Variants in NEGR1 observed in about 807,000 individuals in gnomAD.
NEGR1 encodes the protein IgLON family member 4.
In NEGR1, 10 loss-of-function variants were observed where a neutral mutation model predicts 40.9. The observed-to-expected ratio is 0.24, with a 90% confidence interval of 0.15 to 0.42. The LOEUF (loss-of-function observed/expected upper bound fraction) is 0.42. Ranked by LOEUF, NEGR1 falls within the 10% of genes least tolerant of loss-of-function variation. The pLI, the probability that NEGR1 is intolerant of heterozygous loss-of-function variation, is 1.00. For missense variants in NEGR1, 352 were observed against 438.9 expected (o/e 0.80, Z 1.77); for synonymous variants, 185 against 166.8 (o/e 1.11, Z -0.84).
chr1:72,199,904 G>GC (rs1420762022), intron 1 of NEGR1, among the ~76,000 whole-genome samples: 1 of 151,768 alleles, frequency 6.6e-6, no homozygotes, highest in Non-Finnish European at 1.5e-5. Context: ...CATACATGGA[G>GC]CCAACAAATA....
At chr1:71,759,321 A>G (rs1282194807) in intron 3 of NEGR1, among the ~76,000 whole-genome samples, 1 of 83,236 alleles carries the variant, frequency 1.2e-5, no homozygotes, top group Non-Finnish European at 2.4e-5. Context: ...TTTTTGAGAC[A>G]TAGTCTCACT....
intron 2 of NEGR1, among the ~76,000 whole-genome samples, chr1:71,932,879 T>A (rs1239717709): frequency 6.6e-6 from 1 of 152,092 alleles, no homozygotes; most frequent in African/African-American, 2.4e-5. Context: ...GTAGCTTAAG[T>A]GGGGTTGACT....
intron 4 of NEGR1, among the ~76,000 whole-genome samples, chr1:71,664,982 T>C (rs1308136351): frequency 1.3e-5 from 2 of 152,148 alleles, no homozygotes; most frequent in African/African-American, 4.8e-5. Context: ...TGGAAATGAC[T>C]TAAGTCCAAC....
intron 6 of NEGR1, among the ~76,000 whole-genome samples, chr1:71,498,923 CT>C (rs1178553178): frequency 6.6e-6 from 1 of 152,150 alleles, no homozygotes; most frequent in African/African-American, 2.4e-5. Context: ...ATTTTCATCT[CT>C]TGGATGCAGC....
At chr1:71,473,306 A>G (rs1306198573) in intron 6 of NEGR1, among the ~76,000 whole-genome samples, 1 of 152,156 alleles carries the variant, frequency 6.6e-6, no homozygotes, top group Non-Finnish European at 1.5e-5. Context: ...GAAATAGGGC[A>G]TGGATTACCT....
In NEGR1 at chr1:72,235,014, C is replaced by T. The variant is rs78027954; in HGVS notation, c.176+47305G>A. On this transcript the variant is annotated intron_variant, in intron 1 of 6. Coordinates refer to ENST00000357731, the MANE Select transcript of NEGR1 (RefSeq NM_173808.3). ...TAAATTAGCAAAGACATGGAATTAA[C>T]CTGCCCAATAATGACAGACTGGATA... 8.4e-3 allele frequency among the ~76,000 whole-genome samples: 1,281 copies of T among 152,164 alleles called. 19 individuals are homozygous for T. The highest frequency in any genetic ancestry group is 0.029 in the African/African-American group (1,219 of 41,530).
chr1:72,231,301 A>G (rs1654356207), intron 1 of NEGR1, among the ~76,000 whole-genome samples: 2 of 152,122 alleles, frequency 1.3e-5, no homozygotes, highest in Non-Finnish European at 2.9e-5. Context: ...ACAACCTTTT[A>G]AAAGTTGCCT....
intron 1 of NEGR1, among the ~76,000 whole-genome samples, chr1:72,253,260 T>C (rs1655164810): frequency 6.6e-6 from 1 of 152,188 alleles, no homozygotes; most frequent in Non-Finnish European, 1.5e-5. Context: ...TCTCTCTCTT[T>C]TGGAAATAGT....
At chr1:72,119,953 G>A (rs1019734987) in intron 1 of NEGR1, among the ~76,000 whole-genome samples, 2 of 151,922 alleles carry the variant, frequency 1.3e-5, no homozygotes, top group African/African-American at 4.8e-5. Flanking sequence ...GTCTTATAGT[G>A]AGTTTAAAAT....
chr1:71,960,913 CA>C (rs1332874460), intron 1 of NEGR1, among the ~76,000 whole-genome samples: 1 of 151,994 alleles, frequency 6.6e-6, no homozygotes, highest in Non-Finnish European at 1.5e-5. Flanking sequence ...CCTTAGATGA[CA>C]AAATACAAAA....
intron 1 of NEGR1, among the ~76,000 whole-genome samples, chr1:72,254,628 G>C (rs936619157): frequency 6.7e-6 from 1 of 150,360 alleles, no homozygotes; most frequent in East Asian, 2.0e-4. Flanking sequence ...TGTGAACCCA[G>C]GAGGAGGAGC....
intron 2 of NEGR1, among the ~76,000 whole-genome samples, chr1:71,854,055 T>C (rs898743590): frequency 6.6e-6 from 1 of 152,122 alleles, no homozygotes; most frequent in Non-Finnish European, 1.5e-5. Context: ...TTATTAAGCA[T>C]GTTGCATTAA....
At chr1:72,015,836 C>T (rs147499149) in intron 1 of NEGR1, among the ~76,000 whole-genome samples, 1,902 of 151,998 alleles carry the variant, frequency 0.013, 42 homozygotes, top group African/African-American at 0.044. Context: ...GTCTGGCCAC[C>T]CCAACACTAG....
At chr1:71,850,104 G>GTA (rs1245937354) in intron 2 of NEGR1, among the ~76,000 whole-genome samples, 3 of 151,870 alleles carry the variant, frequency 2.0e-5, no homozygotes, top group African/African-American at 7.3e-5. Context: ...GTGTGTGTGT[G>GTA]TGTGTTAAGA....
rs1646281184 is a variant in NEGR1, at chr1:71,406,896, C to T, written c.*550G>A. 1 of 152,434 alleles carries T rather than the reference C, an allele frequency of 6.6e-6. No individual in the cohort carries two copies. The highest frequency in any genetic ancestry group is 2.4e-5 in the African/African-American group (1 of 41,402). The allele number at this position is 152,434 out of a possible 1,614,324, so 9.4% of individuals were successfully genotyped here. A position where few individuals can be genotyped will look rare whatever the true frequency, so the allele number is the denominator to read the frequency against. ...CTGCACAGCCAGTTATATTACAAGGCTCATTCCTGAAACCTGAATATCATG... is the reference window on the plus strand; with the variant it reads ...CTGCACAGCCAGTTATATTACAAGGTTCATTCCTGAAACCTGAATATCATG... On this transcript the variant is annotated 3_prime_UTR_variant, in exon 7 of 7. Transcript: ENST00000357731.
At chr1:71,558,054 C>T (rs573854272) in intron 6 of NEGR1, among the ~76,000 whole-genome samples, 1 of 151,544 alleles carries the variant, frequency 6.6e-6, no homozygotes, top group South Asian at 2.1e-4. Flanking sequence ...AGCTGATGTG[C>T]CCTTCTTTAT....
At chr1:71,545,559 T>C (rs2101462479) in intron 6 of NEGR1, among the ~76,000 whole-genome samples, 1 of 151,880 alleles carries the variant, frequency 6.6e-6, no homozygotes. Flanking sequence ...TGTCTCTCTC[T>C]TTCTGTCCCC....
At chr1:71,935,753 C>G in intron 1 of NEGR1, among the ~76,000 whole-genome samples, 1 of 152,038 alleles carries the variant, frequency 6.6e-6, no homozygotes, top group Non-Finnish European at 1.5e-5. Context: ...GTACCAGATG[C>G]AGAAATCATA....
chr1:71,831,916 T>C (rs748042739), intron 2 of NEGR1, among the ~76,000 whole-genome samples: 23 of 151,872 alleles, frequency 1.5e-4, no homozygotes, highest in Non-Finnish European at 3.1e-4. Context: ...TAGGGAGTAC[T>C]GACTAGAATG....
Sources: allele counts gnomAD v4.1 joint callset (sites outside exome capture counted in the v4.1 genomes callset), GRCh38; gene constraint gnomAD v4.1.1; transcripts MANE v1.5; gene names NCBI Gene and HGNC (gene_info 2026-07-23, HGNC 2026-07-21).